The following TRIM43B variants were observed in gnomAD, a reference collection of about 807,000 sequenced individuals.
The protein encoded by TRIM43B is tripartite motif containing 43B.
A neutral mutation model predicts 27.0 loss-of-function variants in TRIM43B; 15 were observed. The observed-to-expected ratio is 0.55, with a 90% CI of 0.37 to 0.85. The LOEUF (loss-of-function observed/expected upper bound fraction) is 0.85, where lower values mean the gene tolerates loss of function less well. Ranked by LOEUF, TRIM43B falls within the 40% of genes least tolerant of loss-of-function variation. The pLI is 0.00. For synonymous variants in TRIM43B, 69 were observed against 97.8 expected (o/e 0.71, Z 1.74); for missense variants, 172 against 289.8 (o/e 0.59, Z 2.95).
At chr2:95,481,893 A>T (rs1426597198) in intron 2 of TRIM43B, among the ~76,000 whole-genome samples, 3 of 151,996 alleles carry the variant, frequency 2.0e-5, no homozygotes, top group African/African-American at 7.3e-5. Context: ...AAGAGTGAAG[A>T]TTTCCTGTAA....
chr2:95,480,890 G>A (rs915659222), intron 3 of TRIM43B, among the ~76,000 whole-genome samples: 3 of 151,900 alleles, frequency 2.0e-5, no homozygotes, highest in African/African-American at 4.8e-5. Flanking sequence ...TAGTAGAAAT[G>A]TTTTTAGTAT....
chr2:95,483,316 T>C (rs1683571598), intron 1 of TRIM43B, among the ~76,000 whole-genome samples: 1 of 152,164 alleles, frequency 6.6e-6, no homozygotes, highest in Non-Finnish European at 1.5e-5. Context: ...AATCATTGTT[T>C]TTCTAGGCTG....
chr2:95,481,398 T>G (rs888483322), intron 3 of TRIM43B, among the ~76,000 whole-genome samples, 197 bp downstream of exon 3: 1 of 152,174 alleles, frequency 6.6e-6, no homozygotes, highest in Non-Finnish European at 1.5e-5. Flanking sequence ...GAATTTATAT[T>G]TATTTTTTAC....
chr2:95,480,616 C>G, intron 3 of TRIM43B, 81 bp from the exon 4 acceptor site: 2 of 1,526,878 alleles, frequency 1.3e-6, no homozygotes, highest in East Asian at 2.4e-5. Context: ...CCTCCTCATT[C>G]CTTCTTTTAT....
chr2:95,484,241 A>G (rs1305629181), intron 1 of TRIM43B, among the ~76,000 whole-genome samples: 18 of 151,800 alleles, frequency 1.2e-4, no homozygotes, highest in South Asian at 6.3e-4. Flanking sequence ...GCGTGGTGGC[A>G]GGCGGCTATA....
chr2:95,484,116 A>G (rs1683593669), intron 1 of TRIM43B, among the ~76,000 whole-genome samples: 1 of 151,358 alleles, frequency 6.6e-6, no homozygotes, highest in Non-Finnish European at 1.5e-5. Context: ...CAGGCCTGTA[A>G]TCCCAACACT....
chr2:95,483,506 G>A (rs1190223265), intron 1 of TRIM43B, among the ~76,000 whole-genome samples: 4 of 151,978 alleles, frequency 2.6e-5, no homozygotes, highest in Admixed American at 2.6e-4. Context: ...GTCAGGAAAA[G>A]AGTAAGTATC....
At chr2:95,483,621 A>C (rs140069125) in intron 1 of TRIM43B, among the ~76,000 whole-genome samples, 7,233 of 143,232 alleles carry the variant, frequency 0.05, 286 homozygotes, top group Middle Eastern at 0.071. Context: ...ATGTCACGAG[A>C]TCAAGACCAT....
exon 2 of TRIM43B, chr2:95,482,692 G>T (rs752660513): frequency 4.5e-5 from 73 of 1,613,578 alleles, no homozygotes; most frequent in Non-Finnish European, 5.8e-5. Context: ...CTTCTGGAAG[G>T]CATGTGAGAA....
intron 3 of TRIM43B, among the ~76,000 whole-genome samples, chr2:95,480,922 C>T (rs904158467): frequency 2.6e-5 from 4 of 151,860 alleles, no homozygotes; most frequent in African/African-American, 9.7e-5. Context: ...GATCAGAAGC[C>T]ATCACACAAA....
chr2:95,484,271 C>T (rs1406577515), intron 1 of TRIM43B, among the ~76,000 whole-genome samples: 1 of 151,766 alleles, frequency 6.6e-6, no homozygotes, highest in East Asian at 1.9e-4. Context: ...ACTCTGGAGG[C>T]GGAGGCTGAA....
intron 3 of TRIM43B, 38 bp downstream of exon 3, chr2:95,481,557 C>T (rs1339927692): frequency 2.6e-6 from 4 of 1,530,420 alleles, no homozygotes; most frequent in Non-Finnish European, 2.6e-6. Context: ...GCATGCCTGT[C>T]TCAAGCTGGT....
chr2:95,484,029 G>A (rs1386645097), intron 1 of TRIM43B, among the ~76,000 whole-genome samples: 3 of 140,872 alleles, frequency 2.1e-5, no homozygotes, highest in South Asian at 2.4e-4. Flanking sequence ...ACGGTAAAAT[G>A]TCTAGATCAT....
intron 1 of TRIM43B, among the ~76,000 whole-genome samples, chr2:95,483,457 A>G (rs1289270533): frequency 6.6e-6 from 1 of 152,140 alleles, no homozygotes; most frequent in Admixed American, 6.6e-5. Flanking sequence ...TTACAAAAAG[A>G]TAATGATAAT....
chr2:95,484,623 G>A (rs1683608043), exon 1 of TRIM43B: 1 of 152,104 alleles, frequency 6.6e-6, no homozygotes, highest in Non-Finnish European at 1.5e-5. Context: ...ATATATCTAT[G>A]TTCTCACCAA....
At chr2:95,481,254 C>G (rs1573603712) in intron 3 of TRIM43B, among the ~76,000 whole-genome samples, 1 of 152,014 alleles carries the variant, frequency 6.6e-6, no homozygotes, top group African/African-American at 2.4e-5. Flanking sequence ...ATTTCTTCCC[C>G]CGGACAATAC....
In TRIM43B at chr2:95,482,536, G is replaced by A. The variant is rs774708680; in HGVS notation, c.179C>T (p.Pro60Leu). 23 of 1,611,190 alleles carry A rather than the reference G, an allele frequency of 1.4e-5. 1 individual carries two copies. The East Asian group carries it at 4.0e-4, about 28-fold the overall frequency. ...AATATTGGTTTTGAAGTCCATTTTC[G>A]GTGATGGTTCCCTGCATGCAGGGCA... is the stretch of plus-strand genomic sequence containing the variant. Residue 60 changes from proline to leucine, a missense_variant, in exon 2 of 7, where the codon CCG becomes CTG. Pro to Leu is a moderately conservative substitution (Grantham distance 98, BLOSUM62 -3). Transcript: ENST00000639673.
intron 2 of TRIM43B, among the ~76,000 whole-genome samples, chr2:95,482,049 T>C (rs905782528): frequency 6.6e-6 from 1 of 151,342 alleles, no homozygotes; most frequent in Non-Finnish European, 1.5e-5. Context: ...GTAGTTTTGG[T>C]AGCTTTTCAA....
chr2:95,484,348 A>G (rs1003374182), intron 1 of TRIM43B, among the ~76,000 whole-genome samples: 11 of 152,038 alleles, frequency 7.2e-5, no homozygotes, highest in African/African-American at 2.7e-4. Flanking sequence ...CCAGCCTGGC[A>G]ATAGAGCGTG....
Sources: allele counts gnomAD v4.1 joint callset (sites outside exome capture counted in the v4.1 genomes callset), GRCh38; gene constraint gnomAD v4.1.1; transcripts MANE v1.5; gene names NCBI Gene and HGNC (gene_info 2026-07-23, HGNC 2026-07-21).